The following STAG2 variants were observed in gnomAD, a reference collection of about 807,000 sequenced individuals.
STAG2 encodes cohesin subunit SA-2.
In STAG2, 14 loss-of-function variants were observed where a neutral mutation model predicts 108.1. That is an observed-to-expected ratio of 0.13 (90% CI 0.09 to 0.20). The LOEUF is 0.20. STAG2 is among the 10% of genes least tolerant of loss of function. The probability of loss-of-function intolerance (pLI) is 1.00; values close to 1 mark genes in which losing one functional copy is unlikely to be tolerated. For missense variants in STAG2, 440 were observed against 940.9 expected, an observed-to-expected ratio of 0.47 and a Z score of 6.96; for synonymous variants, 307 against 302.7, an observed-to-expected ratio of 1.01 and a Z score of -0.15.
chrX:124,065,578 T>C (rs1569516310), intron 20 of STAG2, among the ~76,000 whole-genome samples: 2 of 111,846 alleles, frequency 1.8e-5, no homozygotes, highest in Non-Finnish European at 3.8e-5. Flanking sequence ...ATTGTCCTAG[T>C]GCATTTATTA....
intron 17 of STAG2, among the ~76,000 whole-genome samples, chrX:124,062,660 G>A (rs2058416098): frequency 9.0e-6 from 1 of 111,235 alleles, no homozygotes; most frequent in Non-Finnish European, 1.9e-5. Context: ...AGTCTTATTG[G>A]ATATTGATTT....
chrX:124,008,640 G>T (rs1335881563), intron 1 of STAG2, among the ~76,000 whole-genome samples: 1 of 112,127 alleles, frequency 8.9e-6, no homozygotes, highest in Non-Finnish European at 1.9e-5. Context: ...ACCATGCCCA[G>T]CTGCTAGTTG....
intron 1 of STAG2, among the ~76,000 whole-genome samples, chrX:123,994,865 A>G (rs750389193): frequency 8.9e-6 from 1 of 112,225 alleles, no homozygotes; most frequent in Non-Finnish European, 1.9e-5. Flanking sequence ...TTCAGCGTTG[A>G]TTAGTATTTA....
At chrX:124,014,827 T>A (rs1449759226) in intron 1 of STAG2, among the ~76,000 whole-genome samples, 1 of 110,288 alleles carries the variant, frequency 9.1e-6, no homozygotes, top group African/African-American at 3.3e-5. Context: ...AGGAATTCTG[T>A]AGGACTCCAT....
chrX:124,031,206 C>A, intron 5 of STAG2, 81 bp downstream of exon 5: 1 of 984,265 alleles, frequency 1.0e-6, no homozygotes, highest in Non-Finnish European at 1.3e-6. Flanking sequence ...TCTGATTTTT[C>A]TAATTGCATT....
intron 1 of STAG2, among the ~76,000 whole-genome samples, chrX:123,988,225 T>C (rs1211736901): frequency 2.7e-5 from 3 of 111,820 alleles, no homozygotes; most frequent in African/African-American, 6.5e-5. Flanking sequence ...TCTTATACTT[T>C]GGGGGAATTT....
At chrX:124,093,412 GT>G (rs980405448) in intron 32 of STAG2, among the ~76,000 whole-genome samples, 1 of 103,420 alleles carries the variant, frequency 9.7e-6, no homozygotes. Context: ...GTTTATCTCT[GT>G]TTGCCATGGT....
chrX:123,982,397 T>C (rs968870320), intron 1 of STAG2, among the ~76,000 whole-genome samples: 1 of 111,094 alleles, frequency 9.0e-6, no homozygotes, highest in African/African-American at 3.3e-5. Flanking sequence ...GGAGTCTTGC[T>C]CTGTCACCCA....
chrX:124,028,184 A>T (rs1315050069), intron 4 of STAG2, among the ~76,000 whole-genome samples: 4 of 111,941 alleles, frequency 3.6e-5, no homozygotes, highest in Non-Finnish European at 5.6e-5. Flanking sequence ...TAGGTTCACA[A>T]AGACTGAATC....
intron 1 of STAG2, among the ~76,000 whole-genome samples, chrX:123,985,704 G>T (rs895476765): frequency 9.2e-6 from 1 of 109,155 alleles, no homozygotes; most frequent in African/African-American, 3.3e-5. Flanking sequence ...CTGAGTAGCT[G>T]GGATTACAGG....
chrX:124,006,697 C>G (rs368607743), intron 1 of STAG2, among the ~76,000 whole-genome samples: 93 of 111,118 alleles, frequency 8.4e-4, no homozygotes, highest in African/African-American at 2.9e-3. Flanking sequence ...CCTCGGCCTC[C>G]CAAAGTGTTG....
At chrX:124,061,167 T>G in intron 15 of STAG2, 57 bp from the exon 16 acceptor site, 2 of 858,932 alleles carry the variant, frequency 2.3e-6, no homozygotes, top group Non-Finnish European at 3.2e-6. Flanking sequence ...TCCATTCTTT[T>G]GAGTTAAGGC....
At chrX:124,054,894 C>T (rs1410144441) in intron 13 of STAG2, among the ~76,000 whole-genome samples, 2 of 110,899 alleles carry the variant, frequency 1.8e-5, no homozygotes, top group Non-Finnish European at 3.8e-5. Flanking sequence ...GTAGCTGGGA[C>T]TATAGCTACT....
chrX:124,041,836 T>C (rs1214563821), intron 6 of STAG2, among the ~76,000 whole-genome samples: 1 of 111,646 alleles, frequency 9.0e-6, no homozygotes, highest in Non-Finnish European at 1.9e-5. Flanking sequence ...ATTCTAAAGG[T>C]CCTTATCAAA....
intron 7 of STAG2, among the ~76,000 whole-genome samples, chrX:124,044,028 T>C (rs2057800431): frequency 9.0e-6 from 1 of 111,517 alleles, no homozygotes; most frequent in Admixed American, 9.6e-5. Context: ...TTTTCTTGCT[T>C]ACTCTGATGA....
chrX:124,096,712 G>T (rs748850364), intron 34 of STAG2, among the ~76,000 whole-genome samples: 13 of 111,841 alleles, frequency 1.2e-4, no homozygotes, highest in Middle Eastern at 4.6e-3. Context: ...CCCATTTTAT[G>T]TTCCTTGTTC....
At chrX:124,068,486 C>T in intron 23 of STAG2, 78 bp from the exon 24 acceptor site, 1 of 615,192 alleles carries the variant, frequency 1.6e-6, no homozygotes, top group Non-Finnish European at 2.4e-6. Context: ...TAATGTTTTA[C>T]ATAATTGAAA....
chrX:124,079,581 G>A (rs1398368705), intron 27 of STAG2, among the ~76,000 whole-genome samples: 5 of 111,833 alleles, frequency 4.5e-5, no homozygotes, highest in South Asian at 3.7e-4. Flanking sequence ...AGGAGTTGGA[G>A]GCCAGCCTGG....
intron 5 of STAG2, among the ~76,000 whole-genome samples, chrX:124,034,382 T>G (rs1277421221): frequency 8.9e-6 from 1 of 111,882 alleles, no homozygotes; most frequent in Non-Finnish European, 1.9e-5. Context: ...ATGTCTGCAC[T>G]GTCTTTCCAT....
Sources: gnomAD v4.1 joint callset for allele counts (sites outside exome capture counted in the v4.1 genomes callset) on GRCh38, gnomAD v4.1.1 for gene constraint, MANE v1.5 for transcripts, NCBI Gene and HGNC (gene_info 2026-07-23, HGNC 2026-07-21) for gene names.